The following PFAS variants were observed in gnomAD, a reference collection of about 807,000 sequenced individuals.
PFAS encodes the protein phosphoribosylformylglycinamidine synthase, also known as FGAM synthase.
PFAS carries 97 observed loss-of-function variants against 140.6 expected under a neutral mutation model. That is an observed-to-expected ratio of 0.69 (90% confidence interval 0.59 to 0.82). The LOEUF is 0.82. PFAS is among the 40% of genes least tolerant of loss of function. PFAS has a pLI of 0.00. For missense variants in PFAS, 1,656 were observed against 1,780.2 expected (o/e 0.93, Z 1.26); for synonymous variants, 679 against 718.8 (o/e 0.94, Z 0.88).
In PFAS at chr17:8,263,613, A is replaced by G. The variant is rs1230232742; in HGVS notation, c.1606A>G (p.Ile536Val). 1 of 1,613,952 alleles carries G rather than the reference A, an allele frequency of 6.2e-7. No homozygotes were observed. Among genetic ancestry groups the G allele is most frequent in the Non-Finnish European group, 8.5e-7 (1 of 1,179,994 alleles). The change falls in exon 14 of 28, where the codon ATC becomes GTC. Residue 536 changes from isoleucine (I) to valine (V), a missense_variant. Ile to Val is a conservative substitution (Grantham distance 29). Transcript: ENST00000314666. Reference sequence around the variant, plus strand: ...AGAGCTGAGTGACCCAGCTGGAGCCATCATTTACACCAGCCGCTTCCAGGT... The same window carrying G: ...AGAGCTGAGTGACCCAGCTGGAGCCGTCATTTACACCAGCCGCTTCCAGGT... ...LKELSDPAGAIIYTSRFQLGD... is the reference protein window; with the variant it reads ...LKELSDPAGAVIYTSRFQLGD...
At position 8,263,141 on chromosome 17, in the gene PFAS, T is replaced by C. The variant is rs760921012; in HGVS notation, c.1443T>C (p.Phe481=). 3.1e-6 allele frequency: 5 copies of C among 1,613,968 alleles called. No individual in the cohort carries two copies. Among genetic ancestry groups the C allele is most frequent in the Admixed American group, 1.7e-5 (1 of 59,998 alleles). ...VQGDNTSDLD[F]GAVQRGDPEM... is the part of the protein sequence containing the mutation. ...GAGATAACACCAGTGACCTGGACTT[T>C]GGGGCTGTGCAGCGAGGAGACCCGG... The change falls in exon 13 of 28, where the codon TTT becomes TTC. Residue 481 remains phenylalanine, a synonymous_variant. Transcript: ENST00000314666.
chr17:8,263,681 G>A (rs1989687167), intron 14 of PFAS, 45 bp downstream of exon 14: 5 of 1,604,120 alleles, frequency 3.1e-6, no homozygotes, highest in African/African-American at 2.7e-5. Context: ...ACCCCTGCCA[G>A]CCCCAGCCCG....
rs1989820034 is a variant in PFAS, at chr17:8,266,486, C to G, written c.2821+133C>G. 2 of 1,496,178 alleles carry G rather than the reference C, an allele frequency of 1.3e-6. No individual in the cohort carries two copies. Among genetic ancestry groups the G allele is most frequent in the Non-Finnish European group, 8.9e-7 (1 of 1,124,518 alleles). The allele number at this position is 1,496,178 out of a possible 1,614,324, so 92.7% of individuals were successfully genotyped here. A position where few individuals can be genotyped will look rare whatever the true frequency, so the allele number is the denominator to read the frequency against. ...GTCTTCCCTGACTAGCTTTTCTGTGCTGTCTCTCTGACAGCTGAACTGGAT... is the reference window on the plus strand; with the variant it reads ...GTCTTCCCTGACTAGCTTTTCTGTGGTGTCTCTCTGACAGCTGAACTGGAT... On this transcript the variant is annotated intron_variant, in intron 22 of 27. Coordinates refer to ENST00000314666, the MANE Select transcript of PFAS (RefSeq NM_012393.3). The surrounding 1 kb of genome is among the most constrained non-coding windows in gnomAD (Gnocchi z 5.0).
At chr17:8,251,275 A>G (rs1323895047) in intron 1 of PFAS, among the ~76,000 whole-genome samples, 1 of 151,884 alleles carries the variant, frequency 6.6e-6, no homozygotes, top group East Asian at 2.0e-4. Flanking sequence ...ACAGAGTGAG[A>G]CCCCATCTCA....
chr17:8,254,108 G>A (rs748786727), intron 2 of PFAS, 29 bp downstream of exon 2: 19 of 1,613,582 alleles, frequency 1.2e-5, no homozygotes, highest in Middle Eastern at 1.6e-4. Flanking sequence ...ATTCTTGGGG[G>A]ACATGCCTCG....
At chr17:8,260,611 G>C (rs973778106) in intron 11 of PFAS, among the ~76,000 whole-genome samples, 2 of 152,052 alleles carry the variant, frequency 1.3e-5, no homozygotes, top group Non-Finnish European at 2.9e-5. Context: ...TTATGTACAA[G>C]TTTTTTTGTT....
intron 11 of PFAS, among the ~76,000 whole-genome samples, chr17:8,259,576 G>A (rs1454180545): frequency 6.6e-6 from 1 of 152,118 alleles, no homozygotes; most frequent in Admixed American, 6.5e-5. Flanking sequence ...GAGGCCAGGA[G>A]TTTGAGACCA....
chr17:8,254,913 A>G (rs1989297734), intron 3 of PFAS, 114 bp from the exon 4 acceptor site: 1 of 717,520 alleles, frequency 1.4e-6, no homozygotes, highest in South Asian at 1.7e-5. Context: ...GCTGAAAGCC[A>G]ATGGTGAGGG....
chr17:8,264,266 G>A lies in PFAS; in HGVS notation c.1846G>A (p.Ala616Thr), dbSNP rs138697840. ...TGTCAGAAGAAATGGCCAGGGGGAT[G>A]CCCCCCCGACACCCCTGCCAACCCC... Reference protein sequence around the residue: ...CPVRRNGQGDAPPTPLPTPVD... With the variant: ...CPVRRNGQGDTPPTPLPTPVD... Residue 616 changes from alanine to threonine, a missense_variant, in exon 16 of 28, where the codon GCC becomes ACC. Coordinates refer to ENST00000314666, the MANE Select transcript of PFAS (RefSeq NM_012393.3). The A allele has an allele frequency of 1.3e-3, 2,088 of 1,612,250 alleles. 26 individuals are homozygous for A. Among genetic ancestry groups the A allele is most frequent in the Non-Finnish European group, 4.6e-4 (540 of 1,178,652 alleles).
intron 3 of PFAS, 130 bp from the exon 4 acceptor site, chr17:8,254,897 C>G: frequency 3.0e-6 from 2 of 658,874 alleles, no homozygotes; most frequent in Non-Finnish European, 2.7e-6. Context: ...TGTTGCCCAG[C>G]CTGAGGCTGA....
At chr17:8,253,620 A>G (rs1989243441) in intron 1 of PFAS, among the ~76,000 whole-genome samples, 1 of 151,888 alleles carries the variant, frequency 6.6e-6, no homozygotes, top group Admixed American at 6.6e-5. Context: ...GCTCACTGCA[A>G]CCTCTGCCTC....
intron 1 of PFAS, among the ~76,000 whole-genome samples, chr17:8,249,785 A>G (rs1241550829): frequency 6.6e-6 from 1 of 152,194 alleles, no homozygotes; most frequent in Non-Finnish European, 1.5e-5. Flanking sequence ...AGTGGTGAGA[A>G]TCAAGAGTTC....
At chr17:8,250,786 C>T (rs771025663) in intron 1 of PFAS, among the ~76,000 whole-genome samples, 2 of 152,030 alleles carry the variant, frequency 1.3e-5, no homozygotes, top group African/African-American at 2.4e-5. Flanking sequence ...AACAAGGAGA[C>T]AGGAGGAAAC....
In PFAS at chr17:8,264,545, C is replaced by T. The variant is rs746787602; in HGVS notation, c.1993C>T (p.Leu665=). 6.2e-7 allele frequency: 1 copy of T among 1,613,768 alleles called. No homozygotes were observed. The highest frequency in any genetic ancestry group is 1.1e-5 in the South Asian group (1 of 91,078). The change falls in exon 17 of 28, where the codon CTG becomes TTG. Residue 665 remains leucine, a synonymous_variant. Transcript: ENST00000314666. ...LPPGLSVHQA[L]ERVLRLPAVA... ...CCCAGGGCTGAGCGTGCACCAGGCT[C>T]TGGAGAGGGTTCTGAGGCTGCCCGC...
chr17:8,248,020 G>T, upstream of PFAS: 1 of 1,464,598 alleles, frequency 6.8e-7, no homozygotes, highest in Non-Finnish European at 9.2e-7. Context: ...AGGGACCTGG[G>T]CCCGGCCAGC....
In PFAS at chr17:8,255,611, G is replaced by A. The variant is rs1989328891; in HGVS notation, c.494G>A (p.Ser165Asn). 6.3e-7 allele frequency: 1 copy of A among 1,583,868 alleles called. No homozygotes were observed. The highest frequency in any genetic ancestry group is 8.6e-7 in the Non-Finnish European group (1 of 1,167,358). ...CCCATCCAGAGTTTCTCCCCTGAGA[G>A]CATGCCGGAACCCCTCAATGGCCCT... Reference protein sequence around the residue: ...PHPIQSFSPESMPEPLNGPIN... With the variant: ...PHPIQSFSPENMPEPLNGPIN... Residue 165 changes from serine (S) to asparagine (N), a missense_variant, in exon 5 of 28, where the codon AGC becomes AAC. Transcript: ENST00000314666.
Position 8,253,973 on chromosome 17 carries a change from T to C in PFAS, c.36T>C (p.Ser12=). The C allele has an allele frequency of 6.2e-7, 1 of 1,613,998 alleles. No individual in the cohort carries two copies. The highest frequency in any genetic ancestry group is 8.5e-7 in the Non-Finnish European group (1 of 1,179,884). ...TCCTTCACTTCTATGTTCGTCCCTC[T>C]GGCCATGAGGGGGCAGCCCCTGGAC... ...SPVLHFYVRP[S]GHEGAAPGHT... is the part of the protein sequence containing the mutation. The change falls in exon 2 of 28, where the codon TCT becomes TCC. Residue 12 remains serine, a synonymous_variant. Coordinates refer to ENST00000314666, the MANE Select transcript of PFAS (RefSeq NM_012393.3).
Position 8,255,711 on chromosome 17 carries a change from G to A in PFAS, c.574+20G>A. The A allele has an allele frequency of 6.3e-7, 1 of 1,594,678 alleles. No individual in the cohort carries two copies. The highest frequency in any genetic ancestry group is 1.7e-4 in the Middle Eastern group (1 of 5,950). ...AGCTTGGTGAGTAGCTGGGGAGGGA[G>A]ATGTAGGGTCCAGGATAGGCCAGTA... is the stretch of plus-strand genomic sequence containing the variant. On this transcript the variant is annotated intron_variant, in intron 5 of 27. Transcript: ENST00000314666.
rs1201867032 is a variant in PFAS, at chr17:8,270,395, T to C, written c.*1131T>C. ...CTCAAGCCACGCATGTGTGAGGCAT[T>C]TGGTATGTATCTGAATTAATTCTCA... On this transcript the variant is annotated 3_prime_UTR_variant, in exon 28 of 28. Transcript: ENST00000314666. 6.6e-6 allele frequency: 1 copy of C among 152,192 alleles called. No homozygotes were observed. Among genetic ancestry groups the C allele is most frequent in the Non-Finnish European group, 1.5e-5 (1 of 68,044 alleles). 9.4% of individuals were successfully genotyped at this position (152,192 alleles called of 1,614,324 possible).
Sources: gnomAD v4.1 joint callset for allele counts (sites outside exome capture counted in the v4.1 genomes callset) on GRCh38, gnomAD v4.1.1 for gene constraint, Gnocchi (gnomAD v3.1) non-coding constraint, MANE v1.5 for transcripts, NCBI Gene and HGNC (gene_info 2026-07-23, HGNC 2026-07-21) for gene names.